Variants in GRM3 observed in about 807,000 individuals in gnomAD.
The protein encoded by GRM3 is metabotropic glutamate receptor 3.
Under a neutral mutation model 70.5 loss-of-function variants are expected in GRM3, and 26 were observed. The ratio of observed to expected loss-of-function variants is 0.37; its 90% CI spans 0.27 to 0.51. GRM3 has a LOEUF of 0.51. Ranked by LOEUF, GRM3 falls within the 20% of genes least tolerant of loss-of-function variation. The probability of loss-of-function intolerance (pLI) is 0.93; values close to 1 mark genes in which losing one functional copy is unlikely to be tolerated. For missense variants in GRM3, 859 were observed against 1,123.8 expected, an observed-to-expected ratio of 0.76 and a Z score of 3.37; for synonymous variants, 443 against 434.9, an observed-to-expected ratio of 1.02 and a Z score of -0.23.
intron 3 of GRM3, among the ~76,000 whole-genome samples, chr7:86,799,362 C>T (rs1241235718): frequency 6.6e-6 from 1 of 152,102 alleles, no homozygotes; most frequent in Non-Finnish European, 1.5e-5. Context: ...ACTAATTGCC[C>T]CGGACACAAC....
intron 1 of GRM3, among the ~76,000 whole-genome samples, chr7:86,647,880 G>A (rs1793513908): frequency 6.6e-6 from 1 of 152,156 alleles, no homozygotes; most frequent in Admixed American, 6.5e-5. Context: ...AATGGATCAC[G>A]TAATGACTTC....
intron 1 of GRM3, among the ~76,000 whole-genome samples, chr7:86,681,158 T>C (rs1407535754): frequency 6.6e-6 from 1 of 152,152 alleles, no homozygotes; most frequent in Non-Finnish European, 1.5e-5. Context: ...ACTCGTACCG[T>C]AAGTCCTGGC....
chr7:86,664,682 A>G (rs191201778), intron 1 of GRM3, among the ~76,000 whole-genome samples: 5 of 152,052 alleles, frequency 3.3e-5, no homozygotes, highest in Admixed American at 2.6e-4. Context: ...TCTACCCAGT[A>G]CAGCTTGCAC....
At chr7:86,743,943 G>A (rs780038368) in intron 1 of GRM3, among the ~76,000 whole-genome samples, 16 of 152,098 alleles carry the variant, frequency 1.1e-4, no homozygotes, top group Non-Finnish European at 1.6e-4. Flanking sequence ...CCTTTACAAA[G>A]CACATTCACA....
intron 3 of GRM3, among the ~76,000 whole-genome samples, chr7:86,817,643 T>C (rs1013277377): frequency 2.6e-5 from 4 of 151,978 alleles, no homozygotes; most frequent in Non-Finnish European, 5.9e-5. Context: ...TCTCAGATTT[T>C]CTGAGGCTTG....
chr7:86,646,069 T>A (rs1793465691), intron 1 of GRM3, among the ~76,000 whole-genome samples: 1 of 150,114 alleles, frequency 6.7e-6, no homozygotes. Flanking sequence ...TCACACACTT[T>A]AAGATTCCTC....
intron 1 of GRM3, among the ~76,000 whole-genome samples, chr7:86,759,158 C>G (rs1312921556): frequency 6.6e-6 from 1 of 152,146 alleles, no homozygotes; most frequent in Non-Finnish European, 1.5e-5. Flanking sequence ...TTTGAAGGAA[C>G]TTAACCTGTC....
intron 1 of GRM3, among the ~76,000 whole-genome samples, chr7:86,645,919 G>C (rs982852389): frequency 7.1e-6 from 1 of 141,588 alleles, no homozygotes; most frequent in African/African-American, 2.6e-5. Context: ...TAGTTCCTTA[G>C]AGTTTCTTTG....
intron 1 of GRM3, among the ~76,000 whole-genome samples, chr7:86,716,910 TC>T (rs1359095501): frequency 6.6e-6 from 1 of 151,854 alleles, no homozygotes; most frequent in East Asian, 1.9e-4. Flanking sequence ...GATTGATTTT[TC>T]CAGTGCAAGT....
At chr7:86,742,277 C>T (rs754232378) in intron 1 of GRM3, among the ~76,000 whole-genome samples, 41 of 152,248 alleles carry the variant, frequency 2.7e-4, no homozygotes, top group Middle Eastern at 6.8e-3. Context: ...CTTTTGACAA[C>T]CTGGGGTCAC....
intron 1 of GRM3, among the ~76,000 whole-genome samples, chr7:86,763,639 T>C (rs942868061): frequency 6.6e-6 from 1 of 152,148 alleles, no homozygotes; most frequent in Non-Finnish European, 1.5e-5. Context: ...AGATGCTCAA[T>C]TCACAGTAGC....
Position 86,707,260 on chromosome 7 carries a change from G to A in GRM3, c.-140-57746G>A, listed in dbSNP as rs114203149. ...ATATTAATTTTATTCTGTAATTTTA[G>A]CAAACTGATTTGGATCACAAATATC... On this transcript the variant is annotated intron_variant, in intron 1 of 5. Transcript: ENST00000361669. Among the ~76,000 whole-genome samples, 292 of 152,028 alleles carry A rather than the reference G, an allele frequency of 1.9e-3. 2 individuals are homozygous for A. Among genetic ancestry groups the A allele is most frequent in the African/African-American group, 6.7e-3 (278 of 41,490 alleles).
intron 1 of GRM3, among the ~76,000 whole-genome samples, chr7:86,663,038 C>CT (rs957221345): frequency 1.1e-4 from 16 of 151,590 alleles, no homozygotes; most frequent in African/African-American, 3.6e-4. Flanking sequence ...GAATATGAAA[C>CT]TTTTTTTGCA....
At chr7:86,676,060 G>C (rs1387407101) in intron 1 of GRM3, among the ~76,000 whole-genome samples, 2 of 151,036 alleles carry the variant, frequency 1.3e-5, no homozygotes, top group Non-Finnish European at 2.9e-5. Flanking sequence ...GTCCTATTAG[G>C]GGAACAAACA....
intron 3 of GRM3, among the ~76,000 whole-genome samples, chr7:86,824,968 A>AT (rs1445651198): frequency 6.6e-6 from 1 of 152,166 alleles, no homozygotes; most frequent in Non-Finnish European, 1.5e-5. Flanking sequence ...TTCCAGGGAG[A>AT]TTTTCTAAAA....
intron 3 of GRM3, among the ~76,000 whole-genome samples, chr7:86,793,964 T>TA (rs903425846): frequency 2.2e-4 from 34 of 152,256 alleles, no homozygotes; most frequent in African/African-American, 7.9e-4. Context: ...AAAATTACAG[T>TA]AAAAATACTA....
At chr7:86,738,432 A>T (rs547530589) in intron 1 of GRM3, among the ~76,000 whole-genome samples, 3 of 152,302 alleles carry the variant, frequency 2.0e-5, no homozygotes, top group Admixed American at 2.0e-4. Context: ...ATTAATTGTG[A>T]GGGCCAGATA....
intron 3 of GRM3, among the ~76,000 whole-genome samples, chr7:86,818,561 T>G (rs1350925268): frequency 6.6e-6 from 1 of 152,048 alleles, no homozygotes; most frequent in African/African-American, 2.4e-5. Flanking sequence ...ATGATGTATG[T>G]AAAGCACAAG....
chr7:86,648,252 T>C (rs1379330501), intron 1 of GRM3, among the ~76,000 whole-genome samples: 2 of 152,242 alleles, frequency 1.3e-5, no homozygotes, highest in Admixed American at 6.5e-5. Flanking sequence ...CCTTTTCTGA[T>C]GTTAATGACC....
Sources: gnomAD v4.1 joint callset for allele counts (sites outside exome capture counted in the v4.1 genomes callset) on GRCh38, gnomAD v4.1.1 for gene constraint, MANE v1.5 for transcripts, NCBI Gene and HGNC (gene_info 2026-07-23, HGNC 2026-07-21) for gene names.